The following SLIT3 variants were observed in gnomAD, a reference collection of about 807,000 sequenced individuals.
The protein encoded by SLIT3 is slit guidance ligand 3.
A neutral mutation model predicts 184.0 loss-of-function variants in SLIT3; 68 were observed. The observed-to-expected ratio is 0.37, with a 90% CI of 0.30 to 0.45. SLIT3 has a LOEUF of 0.45. SLIT3 is among the 20% of genes least tolerant of loss of function. The pLI is 1.00. For missense variants in SLIT3, 1,707 were observed against 2,026.0 expected (o/e 0.84, Z 3.02); for synonymous variants, 831 against 828.6 (o/e 1.00, Z -0.05).
intron 20 of SLIT3, among the ~76,000 whole-genome samples, chr5:168,741,455 G>A (rs1159010716): frequency 7.5e-6 from 1 of 132,736 alleles, no homozygotes; most frequent in Non-Finnish European, 1.5e-5. Flanking sequence ...CTCCAGCCTG[G>A]GCGACAGAGC....
chr5:168,729,031 G>A (rs1763219198), intron 20 of SLIT3, among the ~76,000 whole-genome samples: 1 of 151,290 alleles, frequency 6.6e-6, no homozygotes, highest in Non-Finnish European at 1.5e-5. Context: ...ACTAGAACAA[G>A]CAGAAGAAAG....
intron 21 of SLIT3, among the ~76,000 whole-genome samples, chr5:168,723,549 C>A (rs1452444620): frequency 1.3e-5 from 2 of 152,174 alleles, no homozygotes; most frequent in African/African-American, 4.8e-5. Flanking sequence ...TAATAACAAT[C>A]TCTCCTTGTT....
intron 4 of SLIT3, among the ~76,000 whole-genome samples, chr5:169,136,597 C>T (rs915516775): frequency 2.6e-5 from 4 of 152,220 alleles, no homozygotes; most frequent in African/African-American, 9.6e-5. Flanking sequence ...GTGGAAACTG[C>T]TAACCTGACC....
intron 4 of SLIT3, among the ~76,000 whole-genome samples, chr5:168,958,745 G>A (rs1156582292): frequency 1.3e-5 from 2 of 152,212 alleles, no homozygotes; most frequent in Non-Finnish European, 2.9e-5. Context: ...CCTGCAAGGG[G>A]CAATTCAATG....
intron 4 of SLIT3, among the ~76,000 whole-genome samples, chr5:169,001,145 A>G (rs1489893131): frequency 6.6e-6 from 1 of 152,216 alleles, no homozygotes; most frequent in African/African-American, 2.4e-5. Context: ...TGCTATTTTT[A>G]TAAATGAGCA....
rs1307974036 is a variant in SLIT3 at position 168,666,150 on chromosome 5, T to TAAAC, written c.*300_*303dup. 1.8e-5 allele frequency: 4 copies of TAAAC among 224,770 alleles called. No individual in the cohort carries two copies. Among genetic ancestry groups the TAAAC allele is most frequent in the African/African-American group, 6.8e-5 (3 of 44,356 alleles). 13.9% of individuals were successfully genotyped at this position (224,770 alleles called of 1,614,324 possible). A position where few individuals can be genotyped will look rare whatever the true frequency, so the allele number is the denominator to read the frequency against. On this transcript the variant is annotated 3_prime_UTR_variant, in exon 36 of 36. Transcript: ENST00000519560. ...TTAGTCTATTTTTTTCTTAAATTTT[T>TAAAC]AAACAGCTATTTTTAAAAACACAAC...
At chr5:168,670,028 C>T (rs1761188965) in intron 34 of SLIT3, 37 bp from the exon 35 acceptor site, 1 of 1,589,696 alleles carries the variant, frequency 6.3e-7, no homozygotes, top group South Asian at 1.1e-5. Context: ...GGAACTGGAT[C>T]AGAGTTGGTG....
chr5:168,722,838 G>A, intron 22 of SLIT3, 95 bp downstream of exon 22: 1 of 933,944 alleles, frequency 1.1e-6, no homozygotes, highest in East Asian at 2.4e-5. Context: ...GGGTCATTAG[G>A]GCAGAGAAAC....
At chr5:168,963,642 A>AGC (rs1763087607) in intron 4 of SLIT3, among the ~76,000 whole-genome samples, 1 of 152,230 alleles carries the variant, frequency 6.6e-6, no homozygotes, top group Non-Finnish European at 1.5e-5. Context: ...GCAGAGACTA[A>AGC]GCCTTGCTTG....
intron 4 of SLIT3, among the ~76,000 whole-genome samples, chr5:169,064,238 G>T (rs1456256947): frequency 6.6e-6 from 1 of 152,174 alleles, no homozygotes; most frequent in Non-Finnish European, 1.5e-5. Flanking sequence ...AGTCGGGAGG[G>T]GAGGCAAGGG....
Position 168,907,944 on chromosome 5 carries a change from GTATATA to G in SLIT3, c.414-24614_414-24609del, listed in dbSNP as rs1224392381. 1.1e-3 allele frequency among the ~76,000 whole-genome samples: 60 copies of G among 53,086 alleles called. 1 individual carries two copies. The highest frequency in any genetic ancestry group is 2.6e-3 in the South Asian group (3 of 1,154). 34.8% of individuals were successfully genotyped at this position (53,086 alleles called of 152,430 possible). On this transcript the variant is annotated intron_variant, in intron 4 of 35. Coordinates refer to ENST00000519560, the MANE Select transcript of SLIT3 (RefSeq NM_003062.4). Reference sequence around the variant, plus strand: ...TCTATTTTATATATATATTATACGTGTATATATATATATATATATATATATATATAT... The same window carrying G: ...TCTATTTTATATATATATTATACGTGTATATATATATATATATATATATAT...
At chr5:169,133,408 A>G (rs1258474251) in intron 4 of SLIT3, among the ~76,000 whole-genome samples, 1 of 152,204 alleles carries the variant, frequency 6.6e-6, no homozygotes. Context: ...TCTACAGCCC[A>G]TAGCCGTTGA....
At chr5:168,840,713 G>C (rs1029547792) in intron 6 of SLIT3, among the ~76,000 whole-genome samples, 1 of 152,198 alleles carries the variant, frequency 6.6e-6, no homozygotes, top group Non-Finnish European at 1.5e-5. Context: ...GCAATGATTT[G>C]AGTAACAGCA....
At chr5:168,844,896 ATTTT>A (rs34420406) in intron 5 of SLIT3, 1,609 of 229,880 alleles carry the variant, frequency 7.0e-3, no homozygotes, top group Middle Eastern at 0.014. Flanking sequence ...TTAATTGCGC[ATTTT>A]TTTTTTTTTT....
intron 4 of SLIT3, among the ~76,000 whole-genome samples, chr5:168,989,284 T>G (rs1298910828): frequency 6.6e-6 from 1 of 152,226 alleles, no homozygotes; most frequent in African/African-American, 2.4e-5. Context: ...TTTAAAAAGT[T>G]GGTTTCCAAA....
chr5:169,232,318 G>C (rs1765034079), intron 3 of SLIT3, among the ~76,000 whole-genome samples: 1 of 152,034 alleles, frequency 6.6e-6, no homozygotes, highest in Non-Finnish European at 1.5e-5. Flanking sequence ...TCCGCCTCTT[G>C]GGTTCAAGCG....
chr5:168,821,078 G>A (rs1186511089), intron 7 of SLIT3, among the ~76,000 whole-genome samples: 1 of 152,180 alleles, frequency 6.6e-6, no homozygotes, highest in Non-Finnish European at 1.5e-5. Flanking sequence ...CAGGCAGGGA[G>A]CAAAGAGAAC....
At chr5:169,176,803 CTGT>C in intron 4 of SLIT3, among the ~76,000 whole-genome samples, 1 of 152,272 alleles carries the variant, frequency 6.6e-6, no homozygotes, top group Admixed American at 6.5e-5. Flanking sequence ...GGCTCACAGG[CTGT>C]AGTCTGCCCA....
At chr5:168,711,642 A>G (rs1762564378) in intron 24 of SLIT3, among the ~76,000 whole-genome samples, 1 of 152,194 alleles carries the variant, frequency 6.6e-6, no homozygotes, top group African/African-American at 2.4e-5. Flanking sequence ...TTAAATATGC[A>G]TATAGAAGGA....
Sources: allele counts gnomAD v4.1 joint callset (sites outside exome capture counted in the v4.1 genomes callset), GRCh38; gene constraint gnomAD v4.1.1; transcripts MANE v1.5; gene names NCBI Gene and HGNC (gene_info 2026-07-23, HGNC 2026-07-21).